Variants in ZNF385D observed in about 807,000 individuals in gnomAD.
ZNF385D encodes the protein zinc finger protein 659.
In ZNF385D, 15 loss-of-function variants were observed where a neutral mutation model predicts 35.8. The ratio of observed to expected loss-of-function variants is 0.42; its 90% CI spans 0.28 to 0.64. The LOEUF (loss-of-function observed/expected upper bound fraction) is 0.64, where lower values mean the gene tolerates loss of function less well. ZNF385D is among the 30% of genes least tolerant of loss of function. The probability of loss-of-function intolerance (pLI) is 0.23; values close to 1 mark genes in which losing one functional copy is unlikely to be tolerated. For missense variants in ZNF385D, 474 were observed against 494.6 expected, an observed-to-expected ratio of 0.96 and a Z score of 0.39; for synonymous variants, 212 against 186.8, an observed-to-expected ratio of 1.13 and a Z score of -1.10.
chr3:21,864,827 TATC>T (rs781531981), intron 3 of ZNF385D, among the ~76,000 whole-genome samples: 4 of 152,000 alleles, frequency 2.6e-5, no homozygotes, highest in Non-Finnish European at 5.9e-5. Flanking sequence ...CCTTATAAAA[TATC>T]ATTCTTTATT....
intron 1 of ZNF385D, among the ~76,000 whole-genome samples, chr3:21,672,617 G>A (rs140306276): frequency 5.9e-5 from 9 of 152,266 alleles, no homozygotes; most frequent in African/African-American, 1.9e-4. Flanking sequence ...TCCCATGAAG[G>A]AAATCACATG....
At chr3:21,816,231 T>C (rs952925102) in intron 3 of ZNF385D, among the ~76,000 whole-genome samples, 11 of 152,272 alleles carry the variant, frequency 7.2e-5, no homozygotes, top group African/African-American at 2.6e-4. Flanking sequence ...TCATACCGAA[T>C]GAGCAAAAAC....
intron 3 of ZNF385D, among the ~76,000 whole-genome samples, chr3:22,076,180 A>T (rs897215152): frequency 6.6e-6 from 1 of 151,854 alleles, no homozygotes; most frequent in African/African-American, 2.4e-5. Flanking sequence ...GCAAATCTAC[A>T]TCAGATCTTG....
chr3:21,573,486 CTT>C (rs2063395309), intron 2 of ZNF385D, among the ~76,000 whole-genome samples: 1 of 152,112 alleles, frequency 6.6e-6, no homozygotes, highest in African/African-American at 2.4e-5. Context: ...TAACGTATGA[CTT>C]AAACATTCAA....
At chr3:22,008,360 C>T (rs373034701) in intron 3 of ZNF385D, among the ~76,000 whole-genome samples, 3 of 131,942 alleles carry the variant, frequency 2.3e-5, no homozygotes, top group African/African-American at 3.0e-5. Flanking sequence ...CCATGATTTT[C>T]TTTTTTTTTT....
At chr3:22,089,389 T>C (rs1701207875) in intron 3 of ZNF385D, among the ~76,000 whole-genome samples, 1 of 152,202 alleles carries the variant, frequency 6.6e-6, no homozygotes, top group Non-Finnish European at 1.5e-5. Flanking sequence ...TTAAGCTTTG[T>C]CAGTAGAGGG....
chr3:21,638,640 G>C (rs996396749), intron 2 of ZNF385D, among the ~76,000 whole-genome samples: 1 of 152,072 alleles, frequency 6.6e-6, no homozygotes, highest in Non-Finnish European at 1.5e-5. Context: ...TAAAACTTGG[G>C]AGACTAACTC....
intron 2 of ZNF385D, among the ~76,000 whole-genome samples, chr3:22,332,050 C>T (rs903216519): frequency 1.3e-5 from 2 of 152,082 alleles, no homozygotes; most frequent in Non-Finnish European, 2.9e-5. Context: ...TAAATACCCA[C>T]GATAACTTCA....
intron 3 of ZNF385D, among the ~76,000 whole-genome samples, chr3:22,033,211 G>T (rs77904369): frequency 0.035 from 5,298 of 151,944 alleles, 125 homozygotes; most frequent in Non-Finnish European, 0.051. Flanking sequence ...AGACCAAACG[G>T]GACAACATGG....
intron 3 of ZNF385D, among the ~76,000 whole-genome samples, chr3:22,081,650 T>A (rs1480350513): frequency 6.6e-6 from 1 of 152,146 alleles, no homozygotes; most frequent in Non-Finnish European, 1.5e-5. Context: ...AAGCCTGTCA[T>A]CTACCCTGTT....
chr3:21,888,598 T>G (rs979099239), intron 3 of ZNF385D, among the ~76,000 whole-genome samples: 10 of 151,788 alleles, frequency 6.6e-5, no homozygotes, highest in African/African-American at 2.2e-4. Flanking sequence ...GATTAAGAAT[T>G]GAAATAAAAT....
At chr3:21,764,560 G>A (rs539768316) in intron 3 of ZNF385D, among the ~76,000 whole-genome samples, 10 of 152,174 alleles carry the variant, frequency 6.6e-5, no homozygotes, top group Admixed American at 2.6e-4. Flanking sequence ...AAGCAAGAAC[G>A]AAAAAGATAT....
At chr3:21,481,836 A>T (rs1028300640) in intron 4 of ZNF385D, among the ~76,000 whole-genome samples, 1 of 152,174 alleles carries the variant, frequency 6.6e-6, no homozygotes, top group Non-Finnish European at 1.5e-5. Context: ...TGCTCAATAT[A>T]TAACTGCTGG....
At chr3:21,524,362 C>G (rs1219439275) in intron 3 of ZNF385D, among the ~76,000 whole-genome samples, 3 of 152,192 alleles carry the variant, frequency 2.0e-5, no homozygotes, top group African/African-American at 7.2e-5. Context: ...AATCCTTCAT[C>G]AGCTGCAACA....
chr3:22,295,651 T>A (rs1702533133), intron 2 of ZNF385D, among the ~76,000 whole-genome samples: 1 of 152,148 alleles, frequency 6.6e-6, no homozygotes, highest in Admixed American at 6.6e-5. Context: ...AACCTTTGGT[T>A]GGTAGAAAAA....
At chr3:21,838,106 A>G (rs551553958) in intron 3 of ZNF385D, among the ~76,000 whole-genome samples, 18 of 152,226 alleles carry the variant, frequency 1.2e-4, no homozygotes, top group African/African-American at 4.3e-4. Context: ...GATTATAAAG[A>G]TTAACAATGA....
At chr3:21,451,710 T>C (rs3913941) in intron 4 of ZNF385D, among the ~76,000 whole-genome samples, 42,043 of 151,994 alleles carry the variant, frequency 0.28, 6,463 homozygotes, top group East Asian at 0.43. Flanking sequence ...GTTTAGTCCT[T>C]CTTAATCTTC....
At chr3:22,257,130 A>G (rs1038124314) in intron 2 of ZNF385D, among the ~76,000 whole-genome samples, 1 of 151,882 alleles carries the variant, frequency 6.6e-6, no homozygotes, top group Non-Finnish European at 1.5e-5. Flanking sequence ...AGTTTTGTAC[A>G]GTAATTTTTC....
At chr3:22,308,416 A>T (rs112168069) in intron 2 of ZNF385D, among the ~76,000 whole-genome samples, 161 of 152,228 alleles carry the variant, frequency 1.1e-3, no homozygotes, top group African/African-American at 3.8e-3. Flanking sequence ...AAACATTATA[A>T]GAACAATAAA....
Sources: gnomAD v4.1 joint callset for allele counts (sites outside exome capture counted in the v4.1 genomes callset) on GRCh38, gnomAD v4.1.1 for gene constraint, MANE v1.5 for transcripts, NCBI Gene and HGNC (gene_info 2026-07-23, HGNC 2026-07-21) for gene names.